CYTH3: variants seen among roughly 807,000 people sequenced by gnomAD.
The protein encoded by CYTH3 is cytohesin-3.
In CYTH3, 23 loss-of-function variants were observed where a neutral mutation model predicts 55.1. The ratio of observed to expected loss-of-function variants is 0.42; its 90% CI spans 0.30 to 0.59. The LOEUF (loss-of-function observed/expected upper bound fraction) is 0.59. Among genes scored for constraint, CYTH3 ranks in the 20% least tolerant of loss-of-function variants. The pLI is 0.20. For synonymous variants in CYTH3, 249 were observed against 194.9 expected (o/e 1.28, Z -2.31); for missense variants, 413 against 524.8 (o/e 0.79, Z 2.08).
At chr7:6,198,613 T>C (rs1783992019) in intron 1 of CYTH3, among the ~76,000 whole-genome samples, 1 of 152,230 alleles carries the variant, frequency 6.6e-6, no homozygotes, top group African/African-American at 2.4e-5. Context: ...ACTTGGACTC[T>C]GTTAGGTAAG....
intron 9 of CYTH3, among the ~76,000 whole-genome samples, chr7:6,166,785 C>G (rs1390424367): frequency 6.6e-6 from 1 of 152,178 alleles, no homozygotes; most frequent in Non-Finnish European, 1.5e-5. Flanking sequence ...CTGCCTCACT[C>G]AGTGCTGCCG....
chr7:6,172,791 T>C lies in CYTH3; in HGVS notation c.449+862A>G, dbSNP rs1057353673. The C allele has an allele frequency of 3.9e-6, 5 of 1,280,110 alleles. No individual in the cohort carries two copies. In the African/African-American group the frequency reaches 4.6e-5, roughly 12 times the overall value. 79.3% of individuals were successfully genotyped at this position (1,280,110 alleles called of 1,614,324 possible). A position where few individuals can be genotyped will look rare whatever the true frequency, so the allele number is the denominator to read the frequency against. ...GAAACGCAATCTGATAAGCCTGAAC[T>C]GCGGCTGCAGGATTCTTATATGTTG... On this transcript the variant is annotated intron_variant, in intron 6 of 12. Coordinates refer to ENST00000350796, the MANE Select transcript of CYTH3 (RefSeq NM_004227.4).
chr7:6,233,784 A>T (rs1779447334), intron 1 of CYTH3, among the ~76,000 whole-genome samples: 1 of 152,158 alleles, frequency 6.6e-6, no homozygotes, highest in South Asian at 2.1e-4. Context: ...TGCTATAACA[A>T]AATGCGAAAG....
intron 1 of CYTH3, among the ~76,000 whole-genome samples, chr7:6,250,852 G>C (rs1408512563): frequency 6.6e-6 from 1 of 152,242 alleles, no homozygotes; most frequent in African/African-American, 2.4e-5. Flanking sequence ...TTTCTAAAAA[G>C]AGAATAGGTG....
intron 1 of CYTH3, among the ~76,000 whole-genome samples, chr7:6,230,988 A>G (rs1187710643): frequency 6.6e-6 from 1 of 152,204 alleles, no homozygotes; most frequent in Non-Finnish European, 1.5e-5. Flanking sequence ...CTGTTCTCAC[A>G]GACTTCCTAC....
Position 6,167,241 on chromosome 7 carries a change from C to T in CYTH3, c.824-1431G>A, listed in dbSNP as rs114517425. Reference sequence around the variant, plus strand: ...CACCTTCCCCACCTCCACTGCAGCACACCAGGGAGGCCCAAGTCCACAGGG... The same window carrying T: ...CACCTTCCCCACCTCCACTGCAGCATACCAGGGAGGCCCAAGTCCACAGGG... On this transcript the variant is annotated intron_variant, in intron 9 of 12. Coordinates refer to ENST00000350796, the MANE Select transcript of CYTH3 (RefSeq NM_004227.4). This position sits in a 1 kb window ranked among gnomAD's most constrained non-coding sequence, Gnocchi z 5.5. Among the ~76,000 whole-genome samples, 936 of 152,308 alleles carry T rather than the reference C, an allele frequency of 6.1e-3. 7 individuals carry two copies. Among genetic ancestry groups the T allele is most frequent in the African/African-American group, 0.021 (888 of 41,580 alleles).
At chr7:6,195,865 T>C (rs1783910983) in intron 1 of CYTH3, among the ~76,000 whole-genome samples, 1 of 152,140 alleles carries the variant, frequency 6.6e-6, no homozygotes, top group Non-Finnish European at 1.5e-5. Flanking sequence ...ATGTCCCAAA[T>C]TTGATGAATG....
chr7:6,184,536 G>A (rs537310231), intron 4 of CYTH3, among the ~76,000 whole-genome samples: 5 of 152,288 alleles, frequency 3.3e-5, no homozygotes, highest in African/African-American at 1.2e-4. Context: ...AAAAGTTTAC[G>A]CTCATGAAGC....
chr7:6,196,497 T>A (rs1783936200), intron 1 of CYTH3, among the ~76,000 whole-genome samples: 1 of 150,722 alleles, frequency 6.6e-6, no homozygotes, highest in Non-Finnish European at 1.5e-5. Context: ...TTCATTTTTG[T>A]TGCCCAGGCT....
At chr7:6,198,004 G>A (rs571866567) in intron 1 of CYTH3, among the ~76,000 whole-genome samples, 16 of 151,924 alleles carry the variant, frequency 1.1e-4, no homozygotes, top group African/African-American at 3.9e-4. Flanking sequence ...TGAAGTGGGG[G>A]GATCGCTTGA....
At position 6,171,103 on chromosome 7, in the gene CYTH3, TC is replaced by T; in HGVS notation, c.562+98del. The T allele has an allele frequency of 6.3e-7, 1 of 1,583,202 alleles. No individual in the cohort carries two copies. Among genetic ancestry groups the T allele is most frequent in the East Asian group, 2.2e-5 (1 of 44,526 alleles). ...GTCGTCCTCGCTCAGGGAAGGCAGGTCCCCAGGAACACACGCTGGGCTGTGC... is the reference window on the plus strand; with the variant it reads ...GTCGTCCTCGCTCAGGGAAGGCAGGTCCCAGGAACACACGCTGGGCTGTGC... On this transcript the variant is annotated intron_variant, in intron 7 of 12. Transcript: ENST00000350796. This position sits in a 1 kb window ranked among gnomAD's most constrained non-coding sequence, Gnocchi z 6.7.
chr7:6,265,306 C>T lies in CYTH3; in HGVS notation c.34+7168G>A, dbSNP rs536155626. 1.7e-4 allele frequency among the ~76,000 whole-genome samples: 25 copies of T among 150,188 alleles called. No individual in the cohort carries two copies. The South Asian group carries it at 4.4e-3, about 26-fold the overall frequency. ...CACAAAGCCTATGAGGTTTACTATC[C>T]GGCCCTTTTATGAAAAAAAAGCTTG... is the stretch of plus-strand genomic sequence containing the variant. On this transcript the variant is annotated intron_variant, in intron 1 of 12. Coordinates refer to ENST00000350796, the MANE Select transcript of CYTH3 (RefSeq NM_004227.4).
At chr7:6,255,514 T>G (rs1315415587) in intron 1 of CYTH3, among the ~76,000 whole-genome samples, 1 of 152,138 alleles carries the variant, frequency 6.6e-6, no homozygotes, top group Non-Finnish European at 1.5e-5. Flanking sequence ...ATCTCCAGCA[T>G]GATGCATCCC....
At chr7:6,254,691 C>T (rs1370075689) in intron 1 of CYTH3, among the ~76,000 whole-genome samples, 1 of 152,214 alleles carries the variant, frequency 6.6e-6, no homozygotes, top group African/African-American at 2.4e-5. Flanking sequence ...CTCAAACAAT[C>T]TGCGCACCTT....
chr7:6,229,438 C>A (rs890229787), intron 1 of CYTH3, among the ~76,000 whole-genome samples: 2 of 152,132 alleles, frequency 1.3e-5, no homozygotes, highest in African/African-American at 2.4e-5. Context: ...CACCGCCCAA[C>A]TGCACCCTTA....
chr7:6,256,671 A>AAC (rs1780133436), intron 1 of CYTH3, among the ~76,000 whole-genome samples: 1 of 152,250 alleles, frequency 6.6e-6, no homozygotes, highest in South Asian at 2.1e-4. Flanking sequence ...TCCAAGTACT[A>AAC]ACAGCAGCAG....
At chr7:6,184,831 G>T (rs530711975) in intron 4 of CYTH3, among the ~76,000 whole-genome samples, 1 of 152,196 alleles carries the variant, frequency 6.6e-6, no homozygotes, top group Admixed American at 6.5e-5. Context: ...GCCCAACTGG[G>T]CCTCCTAAAG....
intron 4 of CYTH3, among the ~76,000 whole-genome samples, chr7:6,186,015 C>T (rs367616475): frequency 2.0e-5 from 3 of 151,510 alleles, no homozygotes; most frequent in Admixed American, 6.6e-5. Context: ...GAGGCCGAGG[C>T]GGGCGGATCA....
intron 1 of CYTH3, among the ~76,000 whole-genome samples, chr7:6,261,487 G>A (rs2115062352): frequency 6.6e-6 from 1 of 152,190 alleles, no homozygotes; most frequent in African/African-American, 2.4e-5. Context: ...GGCTGAGGCA[G>A]GCAGATCATT....
Sources: gnomAD v4.1 joint callset for allele counts (sites outside exome capture counted in the v4.1 genomes callset) on GRCh38, gnomAD v4.1.1 for gene constraint, Gnocchi (gnomAD v3.1) non-coding constraint, MANE v1.5 for transcripts, NCBI Gene and HGNC (gene_info 2026-07-23, HGNC 2026-07-21) for gene names.